The following ADAMTS2 variants were observed in gnomAD, a reference collection of about 807,000 sequenced individuals.
ADAMTS2 encodes ADAM metallopeptidase with thrombospondin type 1 motif 2.
A neutral mutation model predicts 123.0 loss-of-function variants in ADAMTS2; 50 were observed. That is an observed-to-expected ratio of 0.41 (90% confidence interval 0.32 to 0.51). The LOEUF (loss-of-function observed/expected upper bound fraction) is 0.51, where lower values mean the gene tolerates loss of function less well. Among genes scored for constraint, ADAMTS2 ranks in the 20% least tolerant of loss-of-function variants. The pLI is 0.35. For synonymous variants in ADAMTS2, 678 were observed against 695.4 expected, an observed-to-expected ratio of 0.98 and a Z score of 0.39; for missense variants, 1,494 against 1,705.2, an observed-to-expected ratio of 0.88 and a Z score of 2.18.
In ADAMTS2 at chr5:179,285,061, G is replaced by A. The variant is rs138412810; in HGVS notation, c.535-11997C>T. ...ATGTGAGGGCTAAGCGAGATACTGC[G>A]TCTCTAGCACTGGGCACAGCACGTG... On this transcript the variant is annotated intron_variant, in intron 2 of 21. Transcript: ENST00000251582. The surrounding 1 kb of genome is among the most constrained non-coding windows in gnomAD (Gnocchi z 4.9). Among the ~76,000 whole-genome samples the A allele has an allele frequency of 4.8e-4, 73 of 152,214 alleles. No individual in the cohort carries two copies. The highest frequency in any genetic ancestry group is 7.6e-4 in the Non-Finnish European group (52 of 68,020).
chr5:179,179,839 A>T (rs1363148922), intron 5 of ADAMTS2, among the ~76,000 whole-genome samples: 1 of 152,160 alleles, frequency 6.6e-6, no homozygotes, highest in East Asian at 1.9e-4. Context: ...TATAAGTTGT[A>T]TGCAGTTTGA....
chr5:179,213,625 G>A (rs574239026), intron 3 of ADAMTS2, among the ~76,000 whole-genome samples: 3 of 152,312 alleles, frequency 2.0e-5, no homozygotes, highest in Admixed American at 1.3e-4. Flanking sequence ...CCGAGAACAG[G>A]AGCAAAAGTG....
chr5:179,280,608 C>T (rs1241187708), intron 2 of ADAMTS2, among the ~76,000 whole-genome samples: 2 of 152,204 alleles, frequency 1.3e-5, no homozygotes, highest in African/African-American at 2.4e-5. Context: ...TCCCATGGCA[C>T]GCAAGGCCTT....
At chr5:179,168,405 C>G (rs561316027) in intron 5 of ADAMTS2, among the ~76,000 whole-genome samples, 1 of 152,198 alleles carries the variant, frequency 6.6e-6, no homozygotes, top group Non-Finnish European at 1.5e-5. Flanking sequence ...CAGAGTGGCT[C>G]CACCAGCGTG....
chr5:179,137,512 C>A (rs1200642716), intron 12 of ADAMTS2, among the ~76,000 whole-genome samples: 2 of 152,276 alleles, frequency 1.3e-5, no homozygotes, highest in African/African-American at 2.4e-5. Flanking sequence ...CCCTGCCGAG[C>A]CCGCAGCCCG....
chr5:179,279,480 G>A (rs899772131), intron 2 of ADAMTS2, among the ~76,000 whole-genome samples: 1 of 152,218 alleles, frequency 6.6e-6, no homozygotes, highest in Non-Finnish European at 1.5e-5. Context: ...CTGGACAACG[G>A]GGCAATGGCC....
At chr5:179,193,765 G>A (rs946498772) in intron 4 of ADAMTS2, among the ~76,000 whole-genome samples, 1 of 152,220 alleles carries the variant, frequency 6.6e-6, no homozygotes, top group Non-Finnish European at 1.5e-5. Flanking sequence ...CCCTCTCTGG[G>A]TCCGATACAA....
intron 4 of ADAMTS2, among the ~76,000 whole-genome samples, chr5:179,194,577 C>A (rs929154440): frequency 1.3e-5 from 2 of 152,056 alleles, no homozygotes; most frequent in African/African-American, 2.4e-5. Context: ...TGAGAACCCG[C>A]GGAGCATGCT....
At chr5:179,211,376 C>A (rs1561807907) in intron 3 of ADAMTS2, among the ~76,000 whole-genome samples, 1 of 152,196 alleles carries the variant, frequency 6.6e-6, no homozygotes. Context: ...CCTGGGGGTG[C>A]TGATTGACCA....
intron 2 of ADAMTS2, among the ~76,000 whole-genome samples, chr5:179,327,257 C>A (rs1757342274): frequency 6.6e-6 from 1 of 152,174 alleles, no homozygotes; most frequent in African/African-American, 2.4e-5. Flanking sequence ...CCCTGAAGTG[C>A]AGAAAATTAT....
At chr5:179,216,431 G>A (rs150154249) in intron 3 of ADAMTS2, among the ~76,000 whole-genome samples, 24,622 of 152,076 alleles carry the variant, frequency 0.16, 2,481 homozygotes, top group Non-Finnish European at 0.24. Flanking sequence ...TCCCCCCACC[G>A]AGAGCTGGAG....
chr5:179,231,357 A>G (rs2113429982), intron 3 of ADAMTS2, among the ~76,000 whole-genome samples: 1 of 152,320 alleles, frequency 6.6e-6, no homozygotes, highest in Admixed American at 6.5e-5. Context: ...GGCACTGTGC[A>G]CTTCGAAATT....
At chr5:179,139,681 G>T (rs1351044743) in intron 11 of ADAMTS2, among the ~76,000 whole-genome samples, 1 of 152,170 alleles carries the variant, frequency 6.6e-6, no homozygotes, top group Non-Finnish European at 1.5e-5. Context: ...GTGGGCCCCG[G>T]CCAGGGGAAG....
intron 3 of ADAMTS2, among the ~76,000 whole-genome samples, chr5:179,217,019 C>T (rs1350993496): frequency 6.6e-6 from 1 of 152,208 alleles, no homozygotes; most frequent in African/African-American, 2.4e-5. Context: ...TGTTCGGCCC[C>T]ATGGACTGGC....
intron 5 of ADAMTS2, among the ~76,000 whole-genome samples, chr5:179,163,137 G>A (rs572562262): frequency 2.0e-5 from 3 of 152,216 alleles, no homozygotes; most frequent in East Asian, 1.9e-4. Context: ...AGGGAGGTCC[G>A]CTATCCTAGT....
intron 10 of ADAMTS2, among the ~76,000 whole-genome samples, chr5:179,141,850 G>A (rs1763177962): frequency 6.6e-6 from 1 of 152,212 alleles, no homozygotes; most frequent in South Asian, 2.1e-4. Context: ...CCCACTCATA[G>A]GGCACAAGCT....
In ADAMTS2 at chr5:179,285,362, C is replaced by T. The variant is rs147248392; in HGVS notation, c.535-12298G>A. The stretch of plus-strand genomic sequence containing the variant: ...ACAAGATGCCGACAAGAATGCCTCA[C>T]GGGGCCAGCGCAGGGGCCAGCCAGG... On this transcript the variant is annotated intron_variant, in intron 2 of 21. Coordinates refer to ENST00000251582, the MANE Select transcript of ADAMTS2 (RefSeq NM_014244.5). This position sits in a 1 kb window ranked among gnomAD's most constrained non-coding sequence, Gnocchi z 4.9. Among the ~76,000 whole-genome samples the T allele has an allele frequency of 2.3e-4, 35 of 152,350 alleles. No homozygotes were observed. Among genetic ancestry groups the T allele is most frequent in the African/African-American group, 7.0e-4 (29 of 41,586 alleles).
chr5:179,195,471 A>G (rs1764405115), intron 4 of ADAMTS2, among the ~76,000 whole-genome samples: 1 of 152,256 alleles, frequency 6.6e-6, no homozygotes, highest in African/African-American at 2.4e-5. Context: ...TGTGGCCCAC[A>G]TTGAAAAATA....
intron 13 of ADAMTS2, among the ~76,000 whole-genome samples, chr5:179,133,533 G>A (rs1196823082): frequency 1.3e-5 from 2 of 152,060 alleles, no homozygotes; most frequent in African/African-American, 4.8e-5. Flanking sequence ...GCCTCCCAAA[G>A]TGCTGGGATT....
Sources: gnomAD v4.1 joint callset for allele counts (sites outside exome capture counted in the v4.1 genomes callset) on GRCh38, gnomAD v4.1.1 for gene constraint, Gnocchi (gnomAD v3.1) non-coding constraint, MANE v1.5 for transcripts, NCBI Gene and HGNC (gene_info 2026-07-23, HGNC 2026-07-21) for gene names.